Variants in CREB5 observed in about 807,000 individuals in gnomAD.
CREB5 encodes the protein cyclic AMP-responsive element-binding protein 5.
In CREB5, 19 loss-of-function variants were observed where a neutral mutation model predicts 57.1. The observed-to-expected ratio is 0.33, with a 90% CI of 0.23 to 0.49. The LOEUF (loss-of-function observed/expected upper bound fraction) is 0.49. CREB5 is among the 20% of genes least tolerant of loss of function. The probability of loss-of-function intolerance (pLI) is 0.99; values close to 1 mark genes in which losing one functional copy is unlikely to be tolerated. For synonymous variants in CREB5, 238 were observed against 238.3 expected (o/e 1.00, Z 0.01); for missense variants, 579 against 671.6 (o/e 0.86, Z 1.52).
intron 5 of CREB5, among the ~76,000 whole-genome samples, chr7:28,683,459 A>G (rs1270251363): frequency 6.6e-6 from 1 of 152,156 alleles, no homozygotes; most frequent in African/African-American, 2.4e-5. Flanking sequence ...AGCACTCCAA[A>G]GTTGTTTTAT....
intron 1 of CREB5, among the ~76,000 whole-genome samples, chr7:28,487,099 C>G (rs542245587): frequency 6.6e-6 from 1 of 152,278 alleles, no homozygotes; most frequent in African/African-American, 2.4e-5. Context: ...TCACTGCAAC[C>G]TCTGCCTCCT....
chr7:28,821,285 A>G lies in CREB5; in HGVS notation c.*2006A>G, dbSNP rs1809754853. ...TCTATTTTGGAGAAAAAAAGAAAAT[A>G]TGAGGGTCTCGAAGCATGATTTTTA... On this transcript the variant is annotated 3_prime_UTR_variant, in exon 11 of 11. Coordinates refer to ENST00000357727, the MANE Select transcript of CREB5 (RefSeq NM_182898.4). 1 of 152,132 alleles carries G rather than the reference A, an allele frequency of 6.6e-6. No homozygotes were observed. Among genetic ancestry groups the G allele is most frequent in the African/African-American group, 2.4e-5 (1 of 41,450 alleles). The allele number at this position is 152,132 out of a possible 1,614,324, so 9.4% of individuals were successfully genotyped here.
At chr7:28,682,068 G>C (rs551919064) in intron 5 of CREB5, among the ~76,000 whole-genome samples, 1 of 152,096 alleles carries the variant, frequency 6.6e-6, no homozygotes, top group Non-Finnish European at 1.5e-5. Flanking sequence ...TGCCACATCC[G>C]TGAATTACAA....
chr7:28,665,946 TAA>T (rs1318020941), intron 5 of CREB5, among the ~76,000 whole-genome samples: 1 of 152,130 alleles, frequency 6.6e-6, no homozygotes, highest in Non-Finnish European at 1.5e-5. Flanking sequence ...ATATCCCATG[TAA>T]AAGTCATTCC....
Position 28,764,681 on chromosome 7 carries a change from TA to T in CREB5, c.703-39515del, listed in dbSNP as rs145633680. Among the ~76,000 whole-genome samples, 481 of 152,352 alleles carry T rather than the reference TA, an allele frequency of 3.2e-3. 1 individual carries two copies. Among genetic ancestry groups the T allele is most frequent in the African/African-American group, 0.011 (461 of 41,570 alleles). ...AAAGCTACTATCTCCCTATGAGAAATAAATGCTCCTCTCCATGGATTGACTA... is the reference window on the plus strand; with the variant it reads ...AAAGCTACTATCTCCCTATGAGAAATAATGCTCCTCTCCATGGATTGACTA... On this transcript the variant is annotated intron_variant, in intron 7 of 10. Coordinates refer to ENST00000357727, the MANE Select transcript of CREB5 (RefSeq NM_182898.4).
chr7:28,725,026 G>C (rs974487257), intron 7 of CREB5, among the ~76,000 whole-genome samples: 2 of 152,204 alleles, frequency 1.3e-5, no homozygotes. Flanking sequence ...ATTTAGTGGA[G>C]TTACTTGAAA....
At chr7:28,350,763 G>A (rs1445387016) in intron 1 of CREB5, among the ~76,000 whole-genome samples, 1 of 152,060 alleles carries the variant, frequency 6.6e-6, no homozygotes, top group East Asian at 1.9e-4. Context: ...GGAGTGTGGG[G>A]AGCTGGAGGA....
At chr7:28,684,135 GA>G in intron 5 of CREB5, among the ~76,000 whole-genome samples, 1 of 152,280 alleles carries the variant, frequency 6.6e-6, no homozygotes, top group East Asian at 1.9e-4. Context: ...AAGGCTTGTA[GA>G]AGTTATTGAA....
chr7:28,443,549 T>C (rs919180041), intron 1 of CREB5, among the ~76,000 whole-genome samples: 1 of 152,172 alleles, frequency 6.6e-6, no homozygotes, highest in Non-Finnish European at 1.5e-5. Flanking sequence ...CAACACTTAG[T>C]CGCTCTATTT....
chr7:28,505,191 C>T (rs568333059), intron 3 of CREB5, among the ~76,000 whole-genome samples: 3 of 130,214 alleles, frequency 2.3e-5, no homozygotes, highest in Non-Finnish European at 3.5e-5. Context: ...TGCTCATGCA[C>T]GTGCACACAC....
At chr7:28,380,131 C>T (rs1344683974) in intron 1 of CREB5, among the ~76,000 whole-genome samples, 1 of 152,186 alleles carries the variant, frequency 6.6e-6, no homozygotes. Flanking sequence ...AGGCTTTCTT[C>T]CTCCTTGGAA....
At chr7:28,810,900 G>A (rs947778252) in intron 9 of CREB5, among the ~76,000 whole-genome samples, 1 of 152,148 alleles carries the variant, frequency 6.6e-6, no homozygotes, top group South Asian at 2.1e-4. Context: ...TGTGTTGTAT[G>A]AGGGCCTGAA....
intron 5 of CREB5, among the ~76,000 whole-genome samples, chr7:28,657,928 G>A (rs1281559405): frequency 1.3e-5 from 2 of 152,012 alleles, no homozygotes; most frequent in African/African-American, 4.8e-5. Context: ...AAATCTCTTT[G>A]TTTGCACACA....
intron 4 of CREB5, among the ~76,000 whole-genome samples, chr7:28,560,901 C>CGTGTGTGCGCGTGTGTGTGTGTGT (rs1368518820): frequency 9.2e-5 from 2 of 21,650 alleles, no homozygotes; most frequent in African/African-American, 2.8e-4. Flanking sequence ...TGTGTGCGTG[C>CGTGTGTGCGCGTGTGTGTGTGTGT]GCGCGTGCGT....
intron 5 of CREB5, among the ~76,000 whole-genome samples, chr7:28,680,497 C>T (rs944355604): frequency 6.6e-6 from 1 of 152,130 alleles, no homozygotes; most frequent in African/African-American, 2.4e-5. Context: ...ATGGCTCACA[C>T]CTGTAATCCC....
At chr7:28,799,714 T>A (rs2128797191) in intron 7 of CREB5, among the ~76,000 whole-genome samples, 1 of 152,330 alleles carries the variant, frequency 6.6e-6, no homozygotes, top group East Asian at 1.9e-4. Context: ...CAAGATAAAA[T>A]TAACAGGCAT....
At chr7:28,543,268 A>G (rs1794278458) in intron 4 of CREB5, among the ~76,000 whole-genome samples, 1 of 152,226 alleles carries the variant, frequency 6.6e-6, no homozygotes, top group Admixed American at 6.5e-5. Flanking sequence ...TCTGCCTTCC[A>G]AAGTGCTTCC....
At chr7:28,308,502 A>G (rs1340206398) in intron 1 of CREB5, among the ~76,000 whole-genome samples, 1 of 152,222 alleles carries the variant, frequency 6.6e-6, no homozygotes, top group African/African-American at 2.4e-5. Flanking sequence ...GAGAAAACTG[A>G]GATGCAAAAA....
intron 5 of CREB5, among the ~76,000 whole-genome samples, chr7:28,684,079 G>A (rs1317039167): frequency 1.3e-5 from 2 of 152,188 alleles, no homozygotes; most frequent in Non-Finnish European, 2.9e-5. Flanking sequence ...ATTTAAAAAG[G>A]AAAAAGTAGC....
Sources: allele counts gnomAD v4.1 joint callset (sites outside exome capture counted in the v4.1 genomes callset), GRCh38; gene constraint gnomAD v4.1.1; transcripts MANE v1.5; gene names NCBI Gene and HGNC (gene_info 2026-07-23, HGNC 2026-07-21).